The following AASS variants were observed in gnomAD, a reference collection of about 807,000 sequenced individuals.
The protein encoded by AASS is alpha-aminoadipic semialdehyde synthase, mitochondrial.
A neutral mutation model predicts 105.4 loss-of-function variants in AASS; 86 were observed. The ratio of observed to expected loss-of-function variants is 0.82; its 90% CI spans 0.69 to 0.98. AASS has a LOEUF of 0.98. Among genes scored for constraint, AASS ranks in the 50% least tolerant of loss-of-function variants. The probability of loss-of-function intolerance (pLI) is 0.00; values close to 1 mark genes in which losing one functional copy is unlikely to be tolerated. For synonymous variants in AASS, 381 were observed against 394.8 expected (o/e 0.96, Z 0.41); for missense variants, 1,048 against 1,143.2 (o/e 0.92, Z 1.20).
chr7:122,116,066 A>C (rs1367426619), intron 8 of AASS, among the ~76,000 whole-genome samples: 1 of 152,200 alleles, frequency 6.6e-6, no homozygotes, highest in African/African-American at 2.4e-5. Flanking sequence ...AGAATGTTGC[A>C]TGGCCAATGA....
At chr7:122,113,310 T>C in intron 10 of AASS, 81 bp from the exon 11 acceptor site, 1 of 1,240,032 alleles carries the variant, frequency 8.1e-7, no homozygotes, top group Non-Finnish European at 1.2e-6. Flanking sequence ...TACTCCACTA[T>C]ATTTGCTTCA....
chr7:122,085,530 G>GACAT (rs1793580028), intron 19 of AASS, among the ~76,000 whole-genome samples: 1 of 151,910 alleles, frequency 6.6e-6, no homozygotes, highest in African/African-American at 2.4e-5. Flanking sequence ...CCAGTTCTAG[G>GACAT]ACATATAACA....
intron 1 of AASS, among the ~76,000 whole-genome samples, chr7:122,136,382 A>G (rs1426558492): frequency 6.6e-6 from 1 of 152,240 alleles, no homozygotes; most frequent in Non-Finnish European, 1.5e-5. Context: ...AAAAAGCTGC[A>G]CACAGCAAGA....
chr7:122,098,145 T>C (rs534352594), intron 15 of AASS, among the ~76,000 whole-genome samples: 2 of 152,078 alleles, frequency 1.3e-5, no homozygotes, highest in East Asian at 3.9e-4. Context: ...AGAAACTAAA[T>C]GTCAGAAGCC....
chr7:122,127,722 C>T (rs1325620342), intron 3 of AASS, among the ~76,000 whole-genome samples: 1 of 152,066 alleles, frequency 6.6e-6, no homozygotes, highest in Admixed American at 6.5e-5. Flanking sequence ...CCCTCCAATC[C>T]TCTGCCCTAA....
At chr7:122,086,317 C>T in intron 18 of AASS, 138 bp from the exon 19 acceptor site, 2 of 827,388 alleles carry the variant, frequency 2.4e-6, no homozygotes, top group Non-Finnish European at 1.9e-6. Context: ...AATCATCATC[C>T]TATACTTAAG....
chr7:122,105,702 C>T (rs1375108137), intron 11 of AASS, among the ~76,000 whole-genome samples: 1 of 151,766 alleles, frequency 6.6e-6, no homozygotes, highest in Admixed American at 6.6e-5. Flanking sequence ...CACAACCTAC[C>T]AAAACCTATG....
chr7:122,111,685 C>T (rs541707806), intron 11 of AASS, among the ~76,000 whole-genome samples: 4 of 151,992 alleles, frequency 2.6e-5, no homozygotes, highest in South Asian at 2.1e-4. Flanking sequence ...GGGTGGATCA[C>T]GAGGTCAGGA....
At chr7:122,081,435 C>T in intron 20 of AASS, 65 bp downstream of exon 20, 1 of 1,270,770 alleles carries the variant, frequency 7.9e-7, no homozygotes, top group Non-Finnish European at 1.2e-6. Context: ...GCAGAGTTCA[C>T]CCCCGACCAT....
intron 19 of AASS, among the ~76,000 whole-genome samples, chr7:122,083,886 T>C (rs1163303588): frequency 6.6e-6 from 1 of 152,142 alleles, no homozygotes; most frequent in Non-Finnish European, 1.5e-5. Context: ...GGGTTACCAA[T>C]GGATTGCTGG....
chr7:122,128,515 T>G (rs1795760809), intron 3 of AASS, among the ~76,000 whole-genome samples: 1 of 152,136 alleles, frequency 6.6e-6, no homozygotes, highest in Non-Finnish European at 1.5e-5. Context: ...TCCTTCAATA[T>G]TATATTTATC....
intron 23 of AASS, among the ~76,000 whole-genome samples, chr7:122,076,935 C>T (rs1793040742): frequency 6.6e-6 from 1 of 152,124 alleles, no homozygotes; most frequent in Admixed American, 6.5e-5. Flanking sequence ...GTCAGCTTAA[C>T]TTGCTAATGT....
intron 11 of AASS, among the ~76,000 whole-genome samples, chr7:122,112,055 C>G (rs761344368): frequency 1.5e-4 from 23 of 152,296 alleles, no homozygotes; most frequent in Non-Finnish European, 2.8e-4. Flanking sequence ...CATTTGTACT[C>G]TCCTTCTCCT....
intron 22 of AASS, 27 bp downstream of exon 22, chr7:122,078,835 A>C: frequency 6.3e-7 from 1 of 1,588,298 alleles, no homozygotes; most frequent in South Asian, 1.1e-5. Context: ...TTCTTTAGGT[A>C]TATTTAGCTA....
At chr7:122,141,153 G>A (rs963307663) in intron 1 of AASS, among the ~76,000 whole-genome samples, 25 of 152,316 alleles carry the variant, frequency 1.6e-4, no homozygotes, top group East Asian at 1.2e-3. Flanking sequence ...CTTCCTGTGC[G>A]TGGGTACATT....
chr7:122,089,965 G>A (rs1373825569), intron 18 of AASS, among the ~76,000 whole-genome samples: 2 of 152,210 alleles, frequency 1.3e-5, no homozygotes, highest in Non-Finnish European at 2.9e-5. Flanking sequence ...AGGAGCTGTT[G>A]GAATGCAATA....
At position 122,135,239 on chromosome 7, in the gene AASS, G is replaced by A. The variant is rs1031331913; in HGVS notation, c.-15-1498C>T. On this transcript the variant is annotated intron_variant, in intron 1 of 23. Coordinates refer to ENST00000417368, the MANE Select transcript of AASS (RefSeq NM_005763.4). ...GTATACATCTGTAACAAACCTGCAC[G>A]TCGTGCACATGTACCCTAGAACTTA... Among the ~76,000 whole-genome samples, 123 of 150,226 alleles carry A rather than the reference G, an allele frequency of 8.2e-4. 1 individual carries two copies. Among genetic ancestry groups the A allele is most frequent in the Admixed American group, 1.4e-3 (21 of 15,068 alleles).
intron 11 of AASS, among the ~76,000 whole-genome samples, chr7:122,108,209 G>A (rs1449982948): frequency 6.6e-6 from 1 of 151,956 alleles, no homozygotes; most frequent in Non-Finnish European, 1.5e-5. Flanking sequence ...CTAGCCCAGG[G>A]CCTGATGGTT....
chr7:122,111,696 G>A (rs1042767612), intron 11 of AASS, among the ~76,000 whole-genome samples: 21 of 152,104 alleles, frequency 1.4e-4, no homozygotes, highest in Admixed American at 8.5e-4. Flanking sequence ...GAGGTCAGGA[G>A]TTCAAGACCA....
Sources: allele counts gnomAD v4.1 joint callset (sites outside exome capture counted in the v4.1 genomes callset), GRCh38; gene constraint gnomAD v4.1.1; transcripts MANE v1.5; gene names NCBI Gene and HGNC (gene_info 2026-07-23, HGNC 2026-07-21).